Variants in PDIA4 observed in about 807,000 individuals in gnomAD.
The protein encoded by PDIA4 is protein disulfide-isomerase A4.
A neutral mutation model predicts 62.1 loss-of-function variants in PDIA4; 33 were observed. That is an observed-to-expected ratio of 0.53 (90% CI 0.40 to 0.71). PDIA4 has a LOEUF of 0.71. Ranked by LOEUF, PDIA4 falls within the 30% of genes least tolerant of loss-of-function variation. The pLI, the probability that PDIA4 is intolerant of heterozygous loss-of-function variation, is 0.00. For synonymous variants in PDIA4, 341 were observed against 324.1 expected (o/e 1.05, Z -0.56); for missense variants, 804 against 813.6 (o/e 0.99, Z 0.14).
intron 4 of PDIA4, among the ~76,000 whole-genome samples, chr7:149,014,540 A>C (rs1824063096): frequency 6.6e-6 from 1 of 152,000 alleles, no homozygotes. Context: ...TATCCACGCA[A>C]CTGGTTGTGC....
intron 1 of PDIA4, among the ~76,000 whole-genome samples, chr7:149,027,198 T>C (rs1824588035): frequency 1.3e-5 from 2 of 152,224 alleles, no homozygotes; most frequent in South Asian, 4.1e-4. Flanking sequence ...ATTTTGGGTA[T>C]CTGTATTTAA....
chr7:149,020,937 C>T, intron 2 of PDIA4, 30 bp downstream of exon 2: 1 of 1,609,318 alleles, frequency 6.2e-7, no homozygotes, highest in Non-Finnish European at 8.5e-7. Flanking sequence ...AGCGCTTGTC[C>T]ACCTGCAGAA....
intron 1 of PDIA4, among the ~76,000 whole-genome samples, chr7:149,024,848 G>A (rs1270129427): frequency 6.9e-6 from 1 of 144,734 alleles, no homozygotes; most frequent in Non-Finnish European, 1.5e-5. Context: ...AAAAAGGCCA[G>A]GTGTGATGGC....
At position 149,021,166 on chromosome 7, in the gene PDIA4, G is replaced by A; in HGVS notation, c.89-19C>T. On this transcript the variant is annotated intron_variant, in intron 1 of 9. Coordinates refer to ENST00000652332, the MANE Select transcript of PDIA4 (RefSeq NM_004911.5). ...GAAGAATCTGAGTGGAAAACACCCAGACTGGTTACAAAGCTGGTGGTGACT... is the reference window on the plus strand; with the variant it reads ...GAAGAATCTGAGTGGAAAACACCCAAACTGGTTACAAAGCTGGTGGTGACT... 6.4e-7 allele frequency: 1 copy of A among 1,559,082 alleles called. No homozygotes were observed. The highest frequency in any genetic ancestry group is 1.9e-5 in the Admixed American group (1 of 52,108).
chr7:149,027,043 C>T (rs1824582742), intron 1 of PDIA4, among the ~76,000 whole-genome samples: 1 of 152,190 alleles, frequency 6.6e-6, no homozygotes, highest in Non-Finnish European at 1.5e-5. Context: ...GTGCTATATG[C>T]TTTTCCGCTA....
At chr7:149,019,812 A>G (rs1824279058) in intron 2 of PDIA4, among the ~76,000 whole-genome samples, 1 of 152,170 alleles carries the variant, frequency 6.6e-6, no homozygotes, top group Non-Finnish European at 1.5e-5. Context: ...ATCTGTCTCA[A>G]AAAAATTTTT....
At chr7:149,007,339 A>C (rs1454174415) in intron 7 of PDIA4, among the ~76,000 whole-genome samples, 1 of 152,162 alleles carries the variant, frequency 6.6e-6, no homozygotes, top group South Asian at 2.1e-4. Flanking sequence ...ATGAGAGCCC[A>C]CAGCCCAAAC....
chr7:149,017,547 G>C (rs940624203), intron 3 of PDIA4, among the ~76,000 whole-genome samples: 1 of 152,058 alleles, frequency 6.6e-6, no homozygotes, highest in African/African-American at 2.4e-5. Context: ...TTGCGCCATC[G>C]TACTGCAGCC....
intron 3 of PDIA4, among the ~76,000 whole-genome samples, chr7:149,017,120 G>A (rs1824163989): frequency 6.6e-6 from 1 of 151,912 alleles, no homozygotes; most frequent in Admixed American, 6.6e-5. Context: ...CCAGAACACA[G>A]GCCTATCTTA....
intron 3 of PDIA4, among the ~76,000 whole-genome samples, chr7:149,015,590 C>A (rs1824105651): frequency 6.6e-6 from 1 of 151,884 alleles, no homozygotes; most frequent in African/African-American, 2.4e-5. Context: ...TTAAAAAATG[C>A]CCATCTGTGG....
chr7:149,027,436 T>C (rs2129506116), intron 1 of PDIA4, among the ~76,000 whole-genome samples: 1 of 152,284 alleles, frequency 6.6e-6, no homozygotes, highest in Non-Finnish European at 1.5e-5. Flanking sequence ...ACTAACATTA[T>C]CAAAGAGTGT....
intron 2 of PDIA4, among the ~76,000 whole-genome samples, chr7:149,019,817 ATTT>A (rs1011792333): frequency 6.6e-6 from 1 of 152,254 alleles, no homozygotes; most frequent in Non-Finnish European, 1.5e-5. Flanking sequence ...TCTCAAAAAA[ATTT>A]TTTTTTAATT....
intron 3 of PDIA4, among the ~76,000 whole-genome samples, chr7:149,017,869 T>C (rs1431444035): frequency 1.3e-5 from 2 of 152,164 alleles, no homozygotes; most frequent in Non-Finnish European, 2.9e-5. Context: ...GCACCTGTGG[T>C]TCTCAGCACA....
rs138234783 is a variant in PDIA4 at position 149,019,171 on chromosome 7, G to A, written c.296C>T (p.Pro99Leu). Residue 99 changes from proline to leucine, a missense_variant, in exon 3 of 10, where the codon CCG (proline) becomes CTG (leucine). Coordinates refer to ENST00000652332, the MANE Select transcript of PDIA4 (RefSeq NM_004911.5). Reference sequence around the variant, plus strand: ...TATGTTGGCAATTTTTTCATATTCCGGAGCAAACTGCTTGCAATGTCCACA... The same window carrying A: ...TATGTTGGCAATTTTTTCATATTCCAGAGCAAACTGCTTGCAATGTCCACA... ...PWCGHCKQFA[P>L]EYEKIANILK... is the part of the protein sequence containing the mutation. 1.1e-4 allele frequency: 183 copies of A among 1,613,330 alleles called. No individual in the cohort carries two copies. Among genetic ancestry groups the A allele is most frequent in the Non-Finnish European group, 1.4e-4 (171 of 1,179,586 alleles).
intron 9 of PDIA4, 62 bp from the exon 10 acceptor site, chr7:149,004,271 C>T: frequency 6.6e-7 from 1 of 1,513,674 alleles, no homozygotes; most frequent in South Asian, 1.3e-5. Flanking sequence ...ATTCTGGGGG[C>T]TCTCTCTGGA....
At chr7:149,005,863 C>T (rs765394526) in intron 8 of PDIA4, 34 bp downstream of exon 8, 1 of 1,455,858 alleles carries the variant, frequency 6.9e-7, no homozygotes, top group South Asian at 1.5e-5. Context: ...CCCCCCACCC[C>T]CCACCCCCGC....
intron 3 of PDIA4, among the ~76,000 whole-genome samples, chr7:149,017,827 C>T (rs1824197259): frequency 6.6e-6 from 1 of 152,244 alleles, no homozygotes; most frequent in Admixed American, 6.5e-5. Flanking sequence ...AGATTGCAGA[C>T]ATCCTCAGAG....
At chr7:149,007,448 G>T (rs1823801382) in intron 7 of PDIA4, among the ~76,000 whole-genome samples, 2 of 152,174 alleles carry the variant, frequency 1.3e-5, no homozygotes, top group Non-Finnish European at 2.9e-5. Context: ...GTCTGGGGTG[G>T]GGGGTAGAGC....
At chr7:149,022,677 AC>A (rs1363225832) in intron 1 of PDIA4, among the ~76,000 whole-genome samples, 3 of 152,100 alleles carry the variant, frequency 2.0e-5, no homozygotes, top group African/African-American at 7.2e-5. Flanking sequence ...CCTGGGGCTC[AC>A]CAACCCTGAT....
Sources: gnomAD v4.1 joint callset for allele counts (sites outside exome capture counted in the v4.1 genomes callset) on GRCh38, gnomAD v4.1.1 for gene constraint, MANE v1.5 for transcripts, NCBI Gene and HGNC (gene_info 2026-07-23, HGNC 2026-07-21) for gene names.